NAALADL2: variants seen among roughly 807,000 people sequenced by gnomAD.
NAALADL2 encodes the protein inactive N-acetylated-alpha-linked acidic dipeptidase-like protein 2.
NAALADL2 carries 76 observed loss-of-function variants against 87.2 expected under a neutral mutation model. The observed-to-expected ratio is 0.87, with a 90% CI of 0.72 to 1.05. NAALADL2 has a LOEUF of 1.05. NAALADL2 is among the 50% of genes least tolerant of loss of function. The pLI is 0.00. For missense variants in NAALADL2, 1,089 were observed against 945.8 expected, an observed-to-expected ratio of 1.15 and a Z score of -1.99; for synonymous variants, 354 against 331.0, an observed-to-expected ratio of 1.07 and a Z score of -0.75.
At chr3:175,093,744 C>T (rs114157361) in intron 1 of NAALADL2, among the ~76,000 whole-genome samples, 221 of 151,772 alleles carry the variant, frequency 1.5e-3, no homozygotes, top group African/African-American at 5.2e-3. Flanking sequence ...ACCTTTATCC[C>T]AGATGTGACT....
intron 1 of NAALADL2, among the ~76,000 whole-genome samples, chr3:174,984,776 A>G (rs1013516525): frequency 2.6e-5 from 4 of 152,208 alleles, no homozygotes; most frequent in Non-Finnish European, 5.9e-5. Context: ...GGCACATACA[A>G]TTGAAGGGAG....
At chr3:174,830,526 T>C (rs1722554545) in intron 3 of NAALADL2, among the ~76,000 whole-genome samples, 1 of 151,244 alleles carries the variant, frequency 6.6e-6, no homozygotes, top group African/African-American at 2.4e-5. Flanking sequence ...CCTTGTAGTA[T>C]AGTTTGAAGT....
intron 5 of NAALADL2, among the ~76,000 whole-genome samples, chr3:175,382,724 A>G (rs1372081773): frequency 6.6e-6 from 1 of 151,572 alleles, no homozygotes; most frequent in African/African-American, 2.4e-5. Context: ...CTTGACATTT[A>G]CCTGTTATTA....
intron 3 of NAALADL2, among the ~76,000 whole-genome samples, chr3:174,846,372 T>A (rs183998801): frequency 3.3e-5 from 5 of 152,316 alleles, no homozygotes; most frequent in Admixed American, 3.3e-4. Context: ...TTTTGTTTCC[T>A]TTTTGTCAGG....
At chr3:175,049,848 A>G (rs1755143989) in intron 1 of NAALADL2, among the ~76,000 whole-genome samples, 1 of 152,196 alleles carries the variant, frequency 6.6e-6, no homozygotes, top group African/African-American at 2.4e-5. Context: ...GTGTTGATTA[A>G]TCTGTAATAT....
At chr3:174,680,461 C>T (rs1444673718) in intron 2 of NAALADL2, among the ~76,000 whole-genome samples, 1 of 152,108 alleles carries the variant, frequency 6.6e-6, no homozygotes, top group Non-Finnish European at 1.5e-5. Flanking sequence ...TAGAATGGCA[C>T]TACTTTAAGT....
intron 3 of NAALADL2, among the ~76,000 whole-genome samples, chr3:174,841,699 AT>A (rs1724042054): frequency 6.6e-6 from 1 of 152,176 alleles, no homozygotes; most frequent in Non-Finnish European, 1.5e-5. Flanking sequence ...CAATAATACC[AT>A]TTGAACATTT....
chr3:175,567,985 G>T (rs1398848362), intron 9 of NAALADL2, among the ~76,000 whole-genome samples: 1 of 151,950 alleles, frequency 6.6e-6, no homozygotes, highest in Non-Finnish European at 1.5e-5. Context: ...CAAAGTGCTG[G>T]GATTACAGGT....
intron 5 of NAALADL2, among the ~76,000 whole-genome samples, chr3:175,382,998 A>G (rs1000913224): frequency 2.0e-4 from 30 of 152,094 alleles, no homozygotes; most frequent in African/African-American, 7.0e-4. Context: ...GATCCCATTT[A>G]AGTTAATATT....
intron 9 of NAALADL2, among the ~76,000 whole-genome samples, chr3:175,482,499 C>T (rs145866643): frequency 1.3e-5 from 2 of 151,990 alleles, no homozygotes; most frequent in African/African-American, 4.8e-5. Context: ...ACTTCCAGCT[C>T]CCTTTGAGAA....
At chr3:175,138,184 A>G (rs1729414548) in intron 2 of NAALADL2, among the ~76,000 whole-genome samples, 1 of 152,212 alleles carries the variant, frequency 6.6e-6, no homozygotes, top group African/African-American at 2.4e-5. Context: ...CTGAGGTTCA[A>G]AAAGTCAAAA....
chr3:175,535,069 T>A (rs144382238), intron 9 of NAALADL2, among the ~76,000 whole-genome samples: 323 of 152,164 alleles, frequency 2.1e-3, no homozygotes, highest in African/African-American at 7.5e-3. Context: ...ATTAGAGCAA[T>A]CAGATTCACA....
chr3:174,790,078 G>A (rs1717271468), intron 3 of NAALADL2, among the ~76,000 whole-genome samples: 1 of 152,190 alleles, frequency 6.6e-6, no homozygotes, highest in Non-Finnish European at 1.5e-5. Flanking sequence ...ACTCAAGGGA[G>A]AGGGTCTAAG....
intron 4 of NAALADL2, among the ~76,000 whole-genome samples, chr3:175,283,770 A>G (rs1754624650): frequency 6.6e-6 from 1 of 151,562 alleles, no homozygotes; most frequent in Non-Finnish European, 1.5e-5. Context: ...TGTGTTTTTT[A>G]TATATCCAGT....
intron 1 of NAALADL2, among the ~76,000 whole-genome samples, chr3:174,520,608 A>G (rs57224741): frequency 0.073 from 11,140 of 152,274 alleles, 1,152 homozygotes; most frequent in East Asian, 0.42. Context: ...AAATTATAGA[A>G]GAAAACCCAG....
intron 1 of NAALADL2, among the ~76,000 whole-genome samples, chr3:174,872,721 T>TACAC (rs1170042489): frequency 6.9e-6 from 1 of 145,234 alleles, no homozygotes; most frequent in African/African-American, 2.7e-5. Context: ...TGTATTCATC[T>TACAC]ACACACACAC....
chr3:175,329,397 A>G lies in NAALADL2; in HGVS notation c.1090+5072A>G, dbSNP rs565517810. ...GTCTGTTGAACATCACTCCTGCCAA[A>G]CAAAACTATTCAAAGAATAAAGAAT... On this transcript the variant is annotated intron_variant, in intron 5 of 13. Transcript: ENST00000454872. Among the ~76,000 whole-genome samples, 3 of 152,310 alleles carry G rather than the reference A, an allele frequency of 2.0e-5. No homozygotes were observed. The South Asian group carries it at 6.2e-4, about 32-fold the overall frequency.
chr3:175,239,591 C>T (rs79849764), intron 3 of NAALADL2, among the ~76,000 whole-genome samples: 2,083 of 152,166 alleles, frequency 0.014, 52 homozygotes, highest in African/African-American at 0.047. Flanking sequence ...TCTTTTCATT[C>T]TGTAAAGCTT....
chr3:174,713,138 C>G (rs1056954109), intron 2 of NAALADL2, among the ~76,000 whole-genome samples: 1 of 152,136 alleles, frequency 6.6e-6, no homozygotes, highest in South Asian at 2.1e-4. Context: ...TAAACTCATC[C>G]TTTTTTATGG....
Sources: allele counts gnomAD v4.1 joint callset (sites outside exome capture counted in the v4.1 genomes callset), GRCh38; gene constraint gnomAD v4.1.1; transcripts MANE v1.5; gene names NCBI Gene and HGNC (gene_info 2026-07-23, HGNC 2026-07-21).